Variants in TMEM132D observed in about 807,000 individuals in gnomAD.
TMEM132D encodes mature OL transmembrane protein.
TMEM132D carries 21 observed loss-of-function variants against 62.3 expected under a neutral mutation model. The ratio of observed to expected loss-of-function variants is 0.34; its 90% CI spans 0.24 to 0.49. The LOEUF is 0.49. TMEM132D is among the 20% of genes least tolerant of loss of function. The probability of loss-of-function intolerance (pLI) is 0.99; values close to 1 mark genes in which losing one functional copy is unlikely to be tolerated. For synonymous variants in TMEM132D, 621 were observed against 575.6 expected (o/e 1.08, Z -1.13); for missense variants, 1,346 against 1,402.8 (o/e 0.96, Z 0.65).
chr12:129,613,414 C>G (rs1163212087), intron 2 of TMEM132D, among the ~76,000 whole-genome samples: 1 of 152,196 alleles, frequency 6.6e-6, no homozygotes, highest in East Asian at 1.9e-4. Flanking sequence ...GACAGACACT[C>G]TCGTCTCAAC....
At chr12:129,358,218 C>T (rs569503494) in intron 3 of TMEM132D, among the ~76,000 whole-genome samples, 1 of 152,250 alleles carries the variant, frequency 6.6e-6, no homozygotes, top group South Asian at 2.1e-4. Flanking sequence ...GCACATCTTC[C>T]TTTTATTTCT....
intron 1 of TMEM132D, among the ~76,000 whole-genome samples, chr12:129,714,762 G>A (rs1339424878): frequency 6.6e-6 from 1 of 151,994 alleles, no homozygotes; most frequent in Admixed American, 6.6e-5. Flanking sequence ...AGAAATGAAT[G>A]GATAAAGGAA....
chr12:129,366,417 C>T (rs1402264292), intron 3 of TMEM132D, among the ~76,000 whole-genome samples: 1 of 152,188 alleles, frequency 6.6e-6, no homozygotes, highest in Non-Finnish European at 1.5e-5. Flanking sequence ...CTCTCTTGCT[C>T]CTGCTCTGGC....
chr12:129,369,313 G>A (rs771498329), intron 3 of TMEM132D, among the ~76,000 whole-genome samples: 17 of 151,880 alleles, frequency 1.1e-4, no homozygotes, highest in Non-Finnish European at 2.1e-4. Context: ...CTCCCTAATC[G>A]ATGATCCACC....
chr12:129,565,052 T>G (rs1254860607), intron 2 of TMEM132D, among the ~76,000 whole-genome samples: 1 of 152,234 alleles, frequency 6.6e-6, no homozygotes. Flanking sequence ...GCTAGCCACA[T>G]GCTGATGAGA....
intron 5 of TMEM132D, among the ~76,000 whole-genome samples, chr12:129,188,199 G>A (rs1434877099): frequency 6.6e-6 from 1 of 152,118 alleles, no homozygotes; most frequent in Non-Finnish European, 1.5e-5. Flanking sequence ...CTGAGACAAG[G>A]CCCCACAAGC....
chr12:129,409,813 G>T (rs926298612), intron 3 of TMEM132D, among the ~76,000 whole-genome samples: 1 of 152,204 alleles, frequency 6.6e-6, no homozygotes, highest in Non-Finnish European at 1.5e-5. Context: ...AAATACCTCT[G>T]ATCTGCATAA....
intron 1 of TMEM132D, among the ~76,000 whole-genome samples, chr12:129,765,691 C>T (rs1222342119): frequency 1.3e-5 from 2 of 152,136 alleles, no homozygotes; most frequent in Admixed American, 1.3e-4. Context: ...TTCCTTTTTA[C>T]ATGTGTTTCA....
intron 2 of TMEM132D, among the ~76,000 whole-genome samples, chr12:129,608,796 G>T (rs1181561240): frequency 6.6e-6 from 1 of 152,102 alleles, no homozygotes; most frequent in African/African-American, 2.4e-5. Context: ...TGATTTGGCT[G>T]CCAAGGAACC....
intron 5 of TMEM132D, among the ~76,000 whole-genome samples, chr12:129,203,794 G>A (rs1878770841): frequency 6.6e-6 from 1 of 152,234 alleles, no homozygotes; most frequent in Non-Finnish European, 1.5e-5. Context: ...CATATGGGCA[G>A]CAGATTAGGA....
intron 6 of TMEM132D, 88 bp from the exon 7 acceptor site, chr12:129,082,120 G>T (rs1328011505): frequency 6.7e-6 from 10 of 1,482,258 alleles, no homozygotes; most frequent in East Asian, 2.3e-5. Flanking sequence ...GGCTGCAGAG[G>T]TAGGTAGGCC....
intron 2 of TMEM132D, among the ~76,000 whole-genome samples, chr12:129,605,475 A>C (rs1388486087): frequency 3.3e-5 from 5 of 151,538 alleles, no homozygotes; most frequent in African/African-American, 9.7e-5. Context: ...TATTCTCCTG[A>C]ATAGTACTTG....
At chr12:129,309,143 GT>G (rs752738110) in intron 4 of TMEM132D, among the ~76,000 whole-genome samples, 10 of 152,188 alleles carry the variant, frequency 6.6e-5, no homozygotes, top group Non-Finnish European at 1.3e-4. Context: ...CACTTATGTA[GT>G]TTGGTTCTTG....
chr12:129,398,865 T>TCCAC lies in TMEM132D; in HGVS notation c.1116-61049_1116-61048insGTGG, dbSNP rs1555253413. Among the ~76,000 whole-genome samples, 575 of 130,438 alleles carry TCCAC rather than the reference T, an allele frequency of 4.4e-3. 3 individuals carry two copies. Among genetic ancestry groups the TCCAC allele is most frequent in the African/African-American group, 0.022 (545 of 24,454 alleles). 85.6% of individuals were successfully genotyped at this position (130,438 alleles called of 152,430 possible). ...ATCCATCCATCCATCCATCCATCCA[T>TCCAC]CCATCCATCCATCCACTGATTGTCT... On this transcript the variant is annotated intron_variant, in intron 3 of 8. Coordinates refer to ENST00000422113, the MANE Select transcript of TMEM132D (RefSeq NM_133448.3).
chr12:129,721,708 C>T (rs1868837431), intron 1 of TMEM132D, among the ~76,000 whole-genome samples: 1 of 152,186 alleles, frequency 6.6e-6, no homozygotes, highest in Admixed American at 6.5e-5. Flanking sequence ...AGAAGCTCTG[C>T]CCCATGTGGA....
chr12:129,570,556 A>C (rs1393104652), intron 2 of TMEM132D, among the ~76,000 whole-genome samples: 1 of 152,092 alleles, frequency 6.6e-6, no homozygotes, highest in Admixed American at 6.5e-5. Flanking sequence ...CAGGTGTGAA[A>C]CACACACCTC....
At position 129,867,311 on chromosome 12, in the gene TMEM132D, T is replaced by A. The variant is rs1874090396; in HGVS notation, c.79+35950A>T. ...CCTGCCATTTGCAACAATATATACA[T>A]GACACTGAAAGACACGAAGTTAAGT... On this transcript the variant is annotated intron_variant, in intron 1 of 8. Transcript: ENST00000422113. This position sits in a 1 kb window ranked among gnomAD's most constrained non-coding sequence, Gnocchi z 4.5. 6.6e-6 allele frequency among the ~76,000 whole-genome samples: 1 copy of A among 151,894 alleles called. No individual in the cohort carries two copies. The highest frequency in any genetic ancestry group is 2.1e-4 in the South Asian group (1 of 4,808).
intron 2 of TMEM132D, among the ~76,000 whole-genome samples, chr12:129,662,111 T>C (rs1177271983): frequency 6.6e-6 from 1 of 152,232 alleles, no homozygotes; most frequent in African/African-American, 2.4e-5. Context: ...AAATCATACA[T>C]GATCTGAATC....
chr12:129,337,580 C>G lies in TMEM132D; in HGVS notation c.1299+54G>C, dbSNP rs1279927036. 3 of 1,604,288 alleles carry G rather than the reference C, an allele frequency of 1.9e-6. No individual in the cohort carries two copies. The East Asian group carries it at 6.7e-5, about 36-fold the overall frequency. On this transcript the variant is annotated intron_variant, in intron 4 of 8. Coordinates refer to ENST00000422113, the MANE Select transcript of TMEM132D (RefSeq NM_133448.3). ...AGCCTGGGACTCAGTGCGGCGCCGGCGCCTTCCCCTCCCCCGAGTTCAGTT... is the reference window on the plus strand; with the variant it reads ...AGCCTGGGACTCAGTGCGGCGCCGGGGCCTTCCCCTCCCCCGAGTTCAGTT...
Sources: gnomAD v4.1 joint callset for allele counts (sites outside exome capture counted in the v4.1 genomes callset) on GRCh38, gnomAD v4.1.1 for gene constraint, Gnocchi (gnomAD v3.1) non-coding constraint, MANE v1.5 for transcripts, NCBI Gene and HGNC (gene_info 2026-07-23, HGNC 2026-07-21) for gene names.